The following MYPN variants were observed in gnomAD, a reference collection of about 807,000 sequenced individuals.
The protein encoded by MYPN is myopalladin.
A neutral mutation model predicts 129.4 loss-of-function variants in MYPN; 63 were observed. That is an observed-to-expected ratio of 0.49 (90% CI 0.40 to 0.60). The LOEUF (loss-of-function observed/expected upper bound fraction) is 0.60, where lower values mean the gene tolerates loss of function less well. Ranked by LOEUF, MYPN falls within the 20% of genes least tolerant of loss-of-function variation. MYPN has a pLI of 0.00. For synonymous variants in MYPN, 629 were observed against 600.9 expected, an observed-to-expected ratio of 1.05 and a Z score of -0.68; for missense variants, 1,596 against 1,635.4, an observed-to-expected ratio of 0.98 and a Z score of 0.42.
chr10:68,169,503 C>T (rs887505086), intron 10 of MYPN, among the ~76,000 whole-genome samples: 5 of 152,066 alleles, frequency 3.3e-5, no homozygotes, highest in Admixed American at 3.3e-4. Context: ...CCCAAACTAA[C>T]AGGGTTTAAA....
At chr10:68,157,769 G>T (rs1389884349) in intron 6 of MYPN, among the ~76,000 whole-genome samples, 1 of 150,802 alleles carries the variant, frequency 6.6e-6, no homozygotes, top group Non-Finnish European at 1.5e-5. Flanking sequence ...TTGAGCCTGG[G>T]AGGTTGAAGC....
chr10:68,175,182 G>T, intron 11 of MYPN, 141 bp from the exon 12 acceptor site: 2 of 912,076 alleles, frequency 2.2e-6, no homozygotes, highest in Non-Finnish European at 3.4e-6. Context: ...TACAAATACC[G>T]ATTCTCTGCA....
chr10:68,106,452 C>T (rs1324185528), upstream of MYPN: 1 of 472,762 alleles, frequency 2.1e-6, no homozygotes, highest in African/African-American at 2.0e-5. Flanking sequence ...TTTGGATAGT[C>T]AAGAACTTGT....
intron 3 of MYPN, among the ~76,000 whole-genome samples, chr10:68,143,460 A>G (rs10997944): frequency 0.024 from 3,691 of 152,152 alleles, 80 homozygotes; most frequent in African/African-American, 0.054. Flanking sequence ...TTTGAGAGAA[A>G]TTTACTCTAG....
chr10:68,209,671 C>CTTTTTTTTTTTTTTTTTTTGTTTTTTTT (rs35392300), intron 19 of MYPN, among the ~76,000 whole-genome samples: 1 of 131,238 alleles, frequency 7.6e-6, no homozygotes, highest in Non-Finnish European at 1.6e-5. Context: ...GAATTCTTTT[C>CTTTTTTTTTTTTTTTTTTTGTTTTTTTT]TTTTTTTTTT....
At chr10:68,207,142 C>T (rs2043830257) in intron 19 of MYPN, among the ~76,000 whole-genome samples, 1 of 152,022 alleles carries the variant, frequency 6.6e-6, no homozygotes, top group Non-Finnish European at 1.5e-5. Flanking sequence ...CCTGTAATCC[C>T]AGCTACTCGG....
At chr10:68,112,242 G>A (rs574868186) in intron 1 of MYPN, among the ~76,000 whole-genome samples, 35 of 152,138 alleles carry the variant, frequency 2.3e-4, no homozygotes, top group African/African-American at 8.4e-4. Context: ...TGGGCCATAG[G>A]ATTTATTTTT....
At chr10:68,169,400 C>T (rs888444375) in intron 10 of MYPN, among the ~76,000 whole-genome samples, 1 of 151,588 alleles carries the variant, frequency 6.6e-6, no homozygotes, top group Non-Finnish European at 1.5e-5. Context: ...TCTCTCTAGG[C>T]CCCTTAGAAT....
chr10:68,106,326 A>G, upstream of MYPN: 2 of 363,624 alleles, frequency 5.5e-6, no homozygotes, highest in Non-Finnish European at 1.1e-5. Context: ...CCAGGCAAGC[A>G]TTTTCAGTAG....
intron 7 of MYPN, among the ~76,000 whole-genome samples, chr10:68,160,794 G>A (rs1339301558): frequency 2.0e-5 from 3 of 152,244 alleles, no homozygotes; most frequent in Admixed American, 2.0e-4. Flanking sequence ...ACAGGTGCCT[G>A]TAGTCCCAGC....
chr10:68,182,386 TATATAACATATATATAA>T (rs1564686948), intron 12 of MYPN, among the ~76,000 whole-genome samples: 9 of 104,570 alleles, frequency 8.6e-5, no homozygotes, highest in Non-Finnish European at 1.8e-4. Flanking sequence ...ATATAACACA[TATATAACATATATATAA>T]CACATATATA....
intron 1 of MYPN, among the ~76,000 whole-genome samples, chr10:68,111,069 A>G (rs1182164285): frequency 6.6e-6 from 1 of 152,220 alleles, no homozygotes; most frequent in African/African-American, 2.4e-5. Context: ...TATAATATAG[A>G]CACTACTACA....
chr10:68,182,321 AACATATATATAACACAC>A (rs1205174100), intron 12 of MYPN, among the ~76,000 whole-genome samples: 5,952 of 75,512 alleles, frequency 0.079, 638 homozygotes, highest in Non-Finnish European at 0.11. Context: ...ACATATATAT[AACATATATATAACACAC>A]ACATATATAA....
chr10:68,200,647 A>C (rs757001694), intron 17 of MYPN, among the ~76,000 whole-genome samples: 4 of 152,140 alleles, frequency 2.6e-5, no homozygotes, highest in South Asian at 2.1e-4. Context: ...AATCCCAGCT[A>C]CTAGGGAGGC....
chr10:68,172,496 C>T (rs142591654), intron 10 of MYPN, among the ~76,000 whole-genome samples: 199 of 152,296 alleles, frequency 1.3e-3, no homozygotes, highest in African/African-American at 4.5e-3. Flanking sequence ...GCCTTAATGA[C>T]TTTATGCATA....
intron 2 of MYPN, among the ~76,000 whole-genome samples, chr10:68,135,991 A>G (rs941341787): frequency 3.9e-5 from 6 of 152,200 alleles, no homozygotes; most frequent in African/African-American, 1.4e-4. Context: ...AAAGACTCTG[A>G]GTAATCATTC....
At chr10:68,179,301 G>A (rs568281971) in intron 12 of MYPN, among the ~76,000 whole-genome samples, 4 of 152,212 alleles carry the variant, frequency 2.6e-5, no homozygotes, top group East Asian at 1.9e-4. Context: ...GGCATTTCAG[G>A]ACCTTGGCTG....
intron 19 of MYPN, among the ~76,000 whole-genome samples, chr10:68,207,408 G>A (rs2043835207): frequency 6.6e-6 from 1 of 152,092 alleles, no homozygotes; most frequent in African/African-American, 2.4e-5. Context: ...ATTTTACTAT[G>A]AGCTTCACCT....
chr10:68,150,985 A>C (rs755489677), intron 6 of MYPN, among the ~76,000 whole-genome samples: 1 of 152,124 alleles, frequency 6.6e-6, no homozygotes, highest in Non-Finnish European at 1.5e-5. Flanking sequence ...TGCCCTTCAG[A>C]GTCATTGGCA....
Sources: gnomAD v4.1 joint callset for allele counts (sites outside exome capture counted in the v4.1 genomes callset) on GRCh38, gnomAD v4.1.1 for gene constraint, MANE v1.5 for transcripts, NCBI Gene and HGNC (gene_info 2026-07-23, HGNC 2026-07-21) for gene names.